PIAS1: variants seen among roughly 807,000 people sequenced by gnomAD.
PIAS1 encodes the protein protein inhibitor of activated STAT 1.
A neutral mutation model predicts 71.3 loss-of-function variants in PIAS1; 6 were observed. The observed-to-expected ratio is 0.08, with a 90% CI of 0.05 to 0.17. The LOEUF is 0.17. Ranked by LOEUF, PIAS1 falls within the 10% of genes least tolerant of loss-of-function variation. The pLI is 1.00. For synonymous variants in PIAS1, 303 were observed against 292.9 expected (o/e 1.03, Z -0.35); for missense variants, 555 against 793.6 (o/e 0.70, Z 3.61).
chr15:68,150,401 C>T (rs1044966127), intron 6 of PIAS1, among the ~76,000 whole-genome samples: 16 of 152,104 alleles, frequency 1.1e-4, no homozygotes, highest in African/African-American at 3.9e-4. Context: ...AACACTAAAT[C>T]AGCATTATTT....
chr15:68,185,509 C>G lies in PIAS1; in HGVS notation c.1662+1842C>G, dbSNP rs958393393. ...CTAGATGTGGTTCCTGAGGAATTGACTAATGAGCTGTTGGAACTGGAACAG... is the reference window on the plus strand; with the variant it reads ...CTAGATGTGGTTCCTGAGGAATTGAGTAATGAGCTGTTGGAACTGGAACAG... On this transcript the variant is annotated intron_variant, in intron 13 of 13. Transcript: ENST00000249636. The surrounding 1 kb of genome is among the most constrained non-coding windows in gnomAD (Gnocchi z 4.4). Among the ~76,000 whole-genome samples, 2 of 152,116 alleles carry G rather than the reference C, an allele frequency of 1.3e-5. No homozygotes were observed. Among genetic ancestry groups the G allele is most frequent in the Admixed American group, 6.5e-5 (1 of 15,276 alleles).
chr15:68,137,816 C>A (rs1427091514), intron 2 of PIAS1, among the ~76,000 whole-genome samples: 1 of 152,132 alleles, frequency 6.6e-6, no homozygotes, highest in Non-Finnish European at 1.5e-5. Flanking sequence ...ATATATCAAT[C>A]AACTTAGAAG....
intron 6 of PIAS1, among the ~76,000 whole-genome samples, chr15:68,149,489 T>A (rs1316506884): frequency 3.3e-5 from 5 of 152,090 alleles, no homozygotes; most frequent in Non-Finnish European, 7.4e-5. Flanking sequence ...TTATTTACAA[T>A]ATTTAATATA....
Position 68,153,699 on chromosome 15 carries a change from C to A in PIAS1, c.934+4C>A. On this transcript the variant is annotated splice_donor_region_variant and intron_variant, in intron 7 of 13. Coordinates refer to ENST00000249636, the MANE Select transcript of PIAS1 (RefSeq NM_016166.3). ...CCGGATCATTCTAGAGCTTTAAGTA[C>A]GTATGATAAACTTATTTCACTTATT... 7.3e-7 allele frequency: 1 copy of A among 1,373,180 alleles called. No homozygotes were observed. The highest frequency in any genetic ancestry group is 1.0e-6 in the Non-Finnish European group (1 of 961,914). The allele number at this position is 1,373,180 out of a possible 1,614,324, so 85.1% of individuals were successfully genotyped here.
In PIAS1 at chr15:68,171,026, C is replaced by G. The variant is rs962240789; in HGVS notation, c.1009-2706C>G. Among the ~76,000 whole-genome samples the G allele has an allele frequency of 6.6e-6, 1 of 150,942 alleles. No individual in the cohort carries two copies. Among genetic ancestry groups the G allele is most frequent in the Non-Finnish European group, 1.5e-5 (1 of 67,544 alleles). On this transcript the variant is annotated intron_variant, in intron 8 of 13. Coordinates refer to ENST00000249636, the MANE Select transcript of PIAS1 (RefSeq NM_016166.3). This position sits in a 1 kb window ranked among gnomAD's most constrained non-coding sequence, Gnocchi z 4.4. ...CAACACTTAGCTTAAAACACAAGCACATTGTACAGCTGTACAAAAATATTT... is the reference window on the plus strand; with the variant it reads ...CAACACTTAGCTTAAAACACAAGCAGATTGTACAGCTGTACAAAAATATTT...
At chr15:68,156,509 C>A (rs1300064722) in intron 7 of PIAS1, among the ~76,000 whole-genome samples, 1 of 151,524 alleles carries the variant, frequency 6.6e-6, no homozygotes, top group African/African-American at 2.4e-5. Context: ...GGAGTTCAGA[C>A]CAGCCTGACC....
chr15:68,076,976 G>A (rs2092173164), intron 1 of PIAS1, among the ~76,000 whole-genome samples: 2 of 152,124 alleles, frequency 1.3e-5, no homozygotes, highest in African/African-American at 4.8e-5. Context: ...GGTTTGAAAG[G>A]CTGGAATGAA....
chr15:68,138,781 G>A (rs535706803), intron 2 of PIAS1, among the ~76,000 whole-genome samples: 21 of 152,260 alleles, frequency 1.4e-4, no homozygotes, highest in South Asian at 8.3e-4. Flanking sequence ...AGCCAGTTCT[G>A]TCACTTTAAT....
At chr15:68,156,606 G>A (rs762008256) in intron 7 of PIAS1, among the ~76,000 whole-genome samples, 7 of 151,884 alleles carry the variant, frequency 4.6e-5, no homozygotes, top group Non-Finnish European at 1.0e-4. Flanking sequence ...CTACTCGGAA[G>A]GCTGAGGCAC....
At chr15:68,181,856 T>G (rs2093055096) in intron 12 of PIAS1, 1 of 154,754 alleles carries the variant, frequency 6.5e-6, no homozygotes, top group Non-Finnish European at 1.4e-5. Flanking sequence ...ATGTTTTATA[T>G]TTTTAGTAGA....
chr15:68,095,251 T>A (rs1481483317), intron 2 of PIAS1, among the ~76,000 whole-genome samples: 1 of 152,092 alleles, frequency 6.6e-6, no homozygotes, highest in Non-Finnish European at 1.5e-5. Context: ...TATAATACTG[T>A]ATAGTGTTTG....
In PIAS1 at chr15:68,137,258, G is replaced by T. The variant is rs367703235; in HGVS notation, c.470-4688G>T. On this transcript the variant is annotated intron_variant, in intron 2 of 13. Coordinates refer to ENST00000249636, the MANE Select transcript of PIAS1 (RefSeq NM_016166.3). ...GATATCCACAGAGTTATTTCAAATA[G>T]TGAAAAATTAGAAATAACCTAAATG... 5.3e-5 allele frequency among the ~76,000 whole-genome samples: 8 copies of T among 152,204 alleles called. No individual in the cohort carries two copies. The East Asian group carries it at 1.5e-3, about 29-fold the overall frequency.
In PIAS1 at chr15:68,108,093, T is replaced by C. The variant is rs149562717; in HGVS notation, c.469+21343T>C. Reference sequence around the variant, plus strand: ...ATGCAGAGCTCAATGAACATCACCATAATCTTTTTCTTGACTCTCCATTTC... The same window carrying C: ...ATGCAGAGCTCAATGAACATCACCACAATCTTTTTCTTGACTCTCCATTTC... On this transcript the variant is annotated intron_variant, in intron 2 of 13. Coordinates refer to ENST00000249636, the MANE Select transcript of PIAS1 (RefSeq NM_016166.3). Among the ~76,000 whole-genome samples the C allele has an allele frequency of 2.6e-4, 40 of 152,320 alleles. 1 individual carries two copies. In the East Asian group the frequency reaches 3.3e-3, roughly 12 times the overall value.
intron 2 of PIAS1, among the ~76,000 whole-genome samples, chr15:68,133,567 A>G (rs2092700734): frequency 1.3e-5 from 2 of 152,190 alleles, no homozygotes; most frequent in African/African-American, 2.4e-5. Flanking sequence ...TACAGGACAT[A>G]AGGATTTAAT....
At chr15:68,059,718 A>C (rs2091937323) in intron 1 of PIAS1, among the ~76,000 whole-genome samples, 1 of 151,774 alleles carries the variant, frequency 6.6e-6, no homozygotes, top group African/African-American at 2.4e-5. Flanking sequence ...ACAAAAAAAA[A>C]AAAAAAAAAA....
At chr15:68,059,934 C>T (rs1567021486) in intron 1 of PIAS1, among the ~76,000 whole-genome samples, 1 of 152,092 alleles carries the variant, frequency 6.6e-6, no homozygotes, top group East Asian at 1.9e-4. Context: ...ACAAAATTAG[C>T]TAAAATGTTG....
chr15:68,088,198 A>ATATATATATATATATATG (rs1567035777), intron 2 of PIAS1, among the ~76,000 whole-genome samples: 4 of 143,420 alleles, frequency 2.8e-5, no homozygotes, highest in Non-Finnish European at 4.5e-5. Context: ...ATATATATAT[A>ATATATATATATATATATG]TATCCCATTT....
intron 1 of PIAS1, chr15:68,055,171 G>A: frequency 1.0e-6 from 1 of 984,430 alleles, no homozygotes; most frequent in Non-Finnish European, 1.2e-6. Flanking sequence ...GGTGTGGAGG[G>A]TGAGAGGAGC....
chr15:68,186,608 C>A lies in PIAS1; in HGVS notation c.1663-934C>A, dbSNP rs1595801062. ...GTGTACAATAATGTCCTAAGCCTCA[C>A]ATTCACTCACCATTCACTCACTGGC... is the stretch of plus-strand genomic sequence containing the variant. On this transcript the variant is annotated intron_variant, in intron 13 of 13. Coordinates refer to ENST00000249636, the MANE Select transcript of PIAS1 (RefSeq NM_016166.3). The surrounding 1 kb of genome is among the most constrained non-coding windows in gnomAD (Gnocchi z 4.4). Among the ~76,000 whole-genome samples, 2 of 152,376 alleles carry A rather than the reference C, an allele frequency of 1.3e-5. No homozygotes were observed. Among genetic ancestry groups the A allele is most frequent in the East Asian group, 3.9e-4 (2 of 5,194 alleles).
Sources: gnomAD v4.1 joint callset for allele counts (sites outside exome capture counted in the v4.1 genomes callset) on GRCh38, gnomAD v4.1.1 for gene constraint, Gnocchi (gnomAD v3.1) non-coding constraint, MANE v1.5 for transcripts, NCBI Gene and HGNC (gene_info 2026-07-23, HGNC 2026-07-21) for gene names.